CREB5: variants seen among roughly 807,000 people sequenced by gnomAD.
CREB5 encodes cyclic AMP-responsive element-binding protein 5.
In CREB5, 19 loss-of-function variants were observed where a neutral mutation model predicts 57.1. The observed-to-expected ratio is 0.33, with a 90% CI of 0.23 to 0.49. The LOEUF (loss-of-function observed/expected upper bound fraction) is 0.49. Ranked by LOEUF, CREB5 falls within the 20% of genes least tolerant of loss-of-function variation. The pLI, the probability that CREB5 is intolerant of heterozygous loss-of-function variation, is 0.99. For missense variants in CREB5, 579 were observed against 671.6 expected (o/e 0.86, Z 1.52); for synonymous variants, 238 against 238.3 (o/e 1.00, Z 0.01).
intron 7 of CREB5, among the ~76,000 whole-genome samples, chr7:28,783,603 C>A (rs1261231421): frequency 6.6e-6 from 1 of 152,132 alleles, no homozygotes; most frequent in Non-Finnish European, 1.5e-5. Context: ...TTTCTTTCTT[C>A]TTTTCTACTT....
intron 5 of CREB5, among the ~76,000 whole-genome samples, chr7:28,654,154 T>G (rs1034307438): frequency 6.6e-6 from 1 of 152,206 alleles, no homozygotes; most frequent in Non-Finnish European, 1.5e-5. Flanking sequence ...ATGTTGCCTC[T>G]TTATCCAAAC....
At chr7:28,481,577 C>T (rs1298119231) in intron 1 of CREB5, among the ~76,000 whole-genome samples, 1 of 152,132 alleles carries the variant, frequency 6.6e-6, no homozygotes, top group Non-Finnish European at 1.5e-5. Flanking sequence ...AGCTTGAGGG[C>T]TGAAATGTCA....
intron 4 of CREB5, among the ~76,000 whole-genome samples, chr7:28,558,281 T>C (rs981155738): frequency 2.0e-5 from 3 of 152,210 alleles, no homozygotes; most frequent in African/African-American, 7.2e-5. Context: ...TCAAAGGTAC[T>C]TATTCCCCAG....
intron 1 of CREB5, among the ~76,000 whole-genome samples, chr7:28,455,612 A>T (rs1424217310): frequency 6.6e-6 from 1 of 151,936 alleles, no homozygotes; most frequent in African/African-American, 2.4e-5. Flanking sequence ...AAAGCTGCAG[A>T]GTGGAGCACC....
intron 1 of CREB5, among the ~76,000 whole-genome samples, chr7:28,405,215 G>C (rs957865341): frequency 2.6e-4 from 39 of 152,164 alleles, no homozygotes; most frequent in African/African-American, 7.5e-4. Flanking sequence ...TTCCCAATGG[G>C]ACGATAGCTA....
At chr7:28,592,557 C>T (rs1796557225) in intron 5 of CREB5, among the ~76,000 whole-genome samples, 1 of 152,140 alleles carries the variant, frequency 6.6e-6, no homozygotes, top group African/African-American at 2.4e-5. Flanking sequence ...AGTGGCTCTA[C>T]ATCACCCCCA....
rs1554333190 is a variant in CREB5 at position 28,494,883 on chromosome 7, C to CA, written c.76-23_76-22insA. On this transcript the variant is annotated intron_variant, in intron 2 of 10. Transcript: ENST00000357727. ...CTGAATGGCTCCTCTTCTCCCCTCCCTTTTTTTTTATTCGTCCGACAGCGC... is the reference window on the plus strand; with the variant it reads ...CTGAATGGCTCCTCTTCTCCCCTCCCATTTTTTTTTATTCGTCCGACAGCGC... The CA allele has an allele frequency of 4.7e-6, 6 of 1,280,576 alleles. No homozygotes were observed. In the Admixed American group the frequency reaches 7.7e-5, roughly 17 times the overall value. 79.3% of individuals were successfully genotyped at this position (1,280,576 alleles called of 1,614,324 possible).
chr7:28,499,924 C>A (rs941047796), intron 3 of CREB5, among the ~76,000 whole-genome samples: 1 of 152,166 alleles, frequency 6.6e-6, no homozygotes, highest in Non-Finnish European at 1.5e-5. Flanking sequence ...TACCTGCTGA[C>A]GTCATGGCCC....
intron 3 of CREB5, among the ~76,000 whole-genome samples, chr7:28,496,288 G>A (rs966008116): frequency 5.9e-5 from 9 of 152,222 alleles, no homozygotes; most frequent in Admixed American, 4.6e-4. Context: ...TATTAGAAGA[G>A]AAACAAACTG....
intron 7 of CREB5, among the ~76,000 whole-genome samples, chr7:28,795,756 T>TTTC (rs1337857264): frequency 1.3e-5 from 1 of 79,440 alleles, no homozygotes; most frequent in Non-Finnish European, 2.6e-5. Context: ...TTTTTCTTTC[T>TTTC]TTTTTTTTTT....
intron 1 of CREB5, among the ~76,000 whole-genome samples, chr7:28,440,634 C>T (rs1249101892): frequency 6.6e-6 from 1 of 152,126 alleles, no homozygotes; most frequent in African/African-American, 2.4e-5. Context: ...CTTATAAAAC[C>T]ACTGAGGCAG....
At chr7:28,389,087 T>C (rs1160895014) in intron 1 of CREB5, among the ~76,000 whole-genome samples, 1 of 152,214 alleles carries the variant, frequency 6.6e-6, no homozygotes, top group Admixed American at 6.5e-5. Context: ...CATACAGGCA[T>C]AGTTTATCAA....
intron 9 of CREB5, among the ~76,000 whole-genome samples, chr7:28,812,202 C>T (rs1809157717): frequency 6.6e-6 from 1 of 152,164 alleles, no homozygotes; most frequent in Non-Finnish European, 1.5e-5. Context: ...AGCCAGCTGG[C>T]ACATATCAGC....
chr7:28,557,210 CAGT>C (rs1794914317), intron 4 of CREB5, among the ~76,000 whole-genome samples: 2 of 128,416 alleles, frequency 1.6e-5, no homozygotes, highest in African/African-American at 2.8e-5. Context: ...CTTTTATATG[CAGT>C]CTTCTCAGAC....
chr7:28,577,878 A>C (rs1258493059), intron 5 of CREB5, among the ~76,000 whole-genome samples: 2 of 152,164 alleles, frequency 1.3e-5, no homozygotes, highest in Non-Finnish European at 2.9e-5. Context: ...TCCTCTCTTG[A>C]AGTAATCTTA....
chr7:28,682,582 C>T (rs188724464), intron 5 of CREB5, among the ~76,000 whole-genome samples: 2 of 152,082 alleles, frequency 1.3e-5, no homozygotes, highest in Non-Finnish European at 2.9e-5. Context: ...GCCCCTCAAA[C>T]TCCACCGGGA....
Position 28,819,404 on chromosome 7 carries a change from T to C in CREB5, c.*125T>C. 1.1e-6 allele frequency: 1 copy of C among 905,698 alleles called. No homozygotes were observed. Among genetic ancestry groups the C allele is most frequent in the Non-Finnish European group, 1.6e-6 (1 of 623,334 alleles). 56.1% of individuals were successfully genotyped at this position (905,698 alleles called of 1,614,324 possible). A position where few individuals can be genotyped will look rare whatever the true frequency, so the allele number is the denominator to read the frequency against. On this transcript the variant is annotated 3_prime_UTR_variant, in exon 11 of 11. Coordinates refer to ENST00000357727, the MANE Select transcript of CREB5 (RefSeq NM_182898.4). ...TCAGTTCTTCAAAGACTGGCTTTCA[T>C]TTTTATAGTTATTATGGAAATGTTG... is the stretch of plus-strand genomic sequence containing the variant.
intron 1 of CREB5, among the ~76,000 whole-genome samples, chr7:28,456,217 A>G (rs1293511763): frequency 1.4e-5 from 2 of 143,572 alleles, no homozygotes; most frequent in Admixed American, 7.1e-5. Context: ...AGCATGTACT[A>G]AAGAGAAAGG....
intron 4 of CREB5, among the ~76,000 whole-genome samples, chr7:28,537,379 C>CTTT (rs34698198): frequency 1.2e-4 from 18 of 149,532 alleles, no homozygotes; most frequent in African/African-American, 2.2e-4. Context: ...CACTTAAAGC[C>CTTT]TTTTTTTTTT....
Sources: gnomAD v4.1 joint callset for allele counts (sites outside exome capture counted in the v4.1 genomes callset) on GRCh38, gnomAD v4.1.1 for gene constraint, MANE v1.5 for transcripts, NCBI Gene and HGNC (gene_info 2026-07-23, HGNC 2026-07-21) for gene names.